The following DGKZ variants were observed in gnomAD, a reference collection of about 807,000 sequenced individuals.
DGKZ encodes the protein DAG kinase zeta.
DGKZ carries 45 observed loss-of-function variants against 142.5 expected under a neutral mutation model. The ratio of observed to expected loss-of-function variants is 0.32; its 90% CI spans 0.25 to 0.40. The LOEUF (loss-of-function observed/expected upper bound fraction) is 0.40. DGKZ is among the 10% of genes least tolerant of loss of function. DGKZ has a pLI of 1.00. For missense variants in DGKZ, 755 were observed against 1,306.5 expected (o/e 0.58, Z 6.51); for synonymous variants, 442 against 527.0 (o/e 0.84, Z 2.21).
chr11:46,367,854 G>T lies in DGKZ; in HGVS notation c.366+107G>T, dbSNP rs554338831. The T allele has an allele frequency of 2.0e-6, 3 of 1,527,920 alleles. No individual in the cohort carries two copies. Among genetic ancestry groups the T allele is most frequent in the South Asian group, 1.1e-5 (1 of 88,720 alleles). 94.6% of individuals were successfully genotyped at this position (1,527,920 alleles called of 1,614,324 possible). ...CTCCCTGGCACCCCTGCTGTGGGCC[G>T]CCCCAGGATGGTGAGGGGTGCAGGG... is the stretch of plus-strand genomic sequence containing the variant. On this transcript the variant is annotated intron_variant, in intron 3 of 30. Transcript: ENST00000527911. The surrounding 1 kb of genome is among the most constrained non-coding windows in gnomAD (Gnocchi z 4.1).
chr11:46,337,139 A>C (rs1317053928), intron 1 of DGKZ, among the ~76,000 whole-genome samples: 1 of 152,140 alleles, frequency 6.6e-6, no homozygotes, highest in Non-Finnish European at 1.5e-5. Flanking sequence ...ATGGGAGAGC[A>C]GGCTCCAGCT....
chr11:46,379,329 C>T, intron 29 of DGKZ, 93 bp downstream of exon 29: 4 of 1,587,676 alleles, frequency 2.5e-6, no homozygotes, highest in African/African-American at 2.7e-5. Context: ...CCATAAACTT[C>T]CTGGTCACAT....
Position 46,378,870 on chromosome 11 carries a change from GAT to G in DGKZ, c.2419-120_2419-119del. 2.1e-6 allele frequency: 3 copies of G among 1,424,058 alleles called. No homozygotes were observed. In the South Asian group the frequency reaches 4.2e-5, roughly 20 times the overall value. The allele number at this position is 1,424,058 out of a possible 1,614,324, so 88.2% of individuals were successfully genotyped here. ...ACCCACAGAGGCAACTCAGGAGTAAGATGTGTGAGCGCACTCGTTTCAGGCCT... is the reference window on the plus strand; with the variant it reads ...ACCCACAGAGGCAACTCAGGAGTAAGGTGTGAGCGCACTCGTTTCAGGCCT... On this transcript the variant is annotated intron_variant, in intron 27 of 30. Transcript: ENST00000527911.
At chr11:46,346,392 G>A (rs762138553), upstream of DGKZ, among the ~76,000 whole-genome samples, 2 of 109,246 alleles carry the variant, frequency 1.8e-5, no homozygotes, top group Non-Finnish European at 4.3e-5. Flanking sequence ...GCCTCCCTTC[G>A]TCAGCCCTGC....
Position 46,378,515 on chromosome 11 carries a change from C to T in DGKZ, c.2418+15C>T, listed in dbSNP as rs981696537. On this transcript the variant is annotated intron_variant, in intron 27 of 30. Coordinates refer to ENST00000527911, the Ensembl canonical transcript of DGKZ. ...ACTTCTGTAAGGTACTAGCTCCAGG[C>T]TCCAGTTCCTTCCCCCAGCAGCTCC... 8 of 1,613,060 alleles carry T rather than the reference C, an allele frequency of 5.0e-6. No homozygotes were observed. Among genetic ancestry groups the T allele is most frequent in the Non-Finnish European group, 5.9e-6 (7 of 1,179,898 alleles).
chr11:46,366,925 G>A, intron 1 of DGKZ: 2 of 1,543,306 alleles, frequency 1.3e-6, no homozygotes, highest in Non-Finnish European at 1.7e-6. Context: ...TGTCCCGCAG[G>A]CGCCAGGTAG....
At position 46,372,442 on chromosome 11, in the gene DGKZ, C is replaced by T. The variant is rs769624728; in HGVS notation, c.942C>T (p.Ile314=). The T allele has an allele frequency of 4.2e-5, 67 of 1,613,888 alleles. No individual in the cohort carries two copies. The highest frequency in any genetic ancestry group is 5.4e-5 in the Non-Finnish European group (64 of 1,179,990). Residue 314 remains isoleucine, a synonymous_variant, in exon 11 of 31, where the codon ATC becomes ATT. Transcript: ENST00000527911. This position sits in a 1 kb window ranked among gnomAD's most constrained non-coding sequence, Gnocchi z 5.9. The stretch of plus-strand genomic sequence containing the variant: ...ATCCCATCCAGGGTGCAAAGATCAT[C>T]CAGTCTTTCCTCTGGTATCTCAATC...
Position 46,367,650 on chromosome 11 carries a change from A to G in DGKZ, c.271-2A>G, listed in dbSNP as rs764899764. ...TGCTGAGCAAGCCCATCCCGTGGCT[A>G]GGAGTCAGCGACATATGGGGAGCAC... On this transcript the variant is annotated splice_acceptor_variant, in intron 2 of 30. Transcript: ENST00000527911. LOFTEE classifies it high-confidence loss of function. The surrounding 1 kb of genome is among the most constrained non-coding windows in gnomAD (Gnocchi z 4.1). 1 of 1,596,778 alleles carries G rather than the reference A, an allele frequency of 6.3e-7. No homozygotes were observed. The highest frequency in any genetic ancestry group is 1.3e-5 in the African/African-American group (1 of 74,630).
chr11:46,333,357 C>A, exon 1 of DGKZ: 2 of 1,369,912 alleles, frequency 1.5e-6, no homozygotes, highest in Non-Finnish European at 9.3e-7. Context: ...GGTGGTGCGG[C>A]GGCGATGCCG....
rs1944070766 is a variant in DGKZ, at chr11:46,372,570, T to C, written c.1011-47T>C. The C allele has an allele frequency of 6.2e-7, 1 of 1,613,696 alleles. No individual in the cohort carries two copies. The highest frequency in any genetic ancestry group is 8.5e-7 in the Non-Finnish European group (1 of 1,179,908). ...GGGGGAACTTGCCTCACTCCTGGGG[T>C]ACAGCACACATCCCCTGACCCCACT... On this transcript the variant is annotated intron_variant, in intron 11 of 30. Transcript: ENST00000527911. The surrounding 1 kb of genome is among the most constrained non-coding windows in gnomAD (Gnocchi z 5.9).
chr11:46,376,241 T>G, intron 22 of DGKZ, 87 bp from the exon 23 acceptor site: 2 of 1,604,574 alleles, frequency 1.2e-6, no homozygotes, highest in Non-Finnish European at 1.7e-6. Flanking sequence ...CTGCGGAGCC[T>G]CCTCTGTGCT....
chr11:46,373,580 C>T (rs1944227653), intron 14 of DGKZ, among the ~76,000 whole-genome samples: 1 of 151,740 alleles, frequency 6.6e-6, no homozygotes, highest in Non-Finnish European at 1.5e-5. Flanking sequence ...TCACTGCAAC[C>T]TCTGCCTCCC....
intron 1 of DGKZ, among the ~76,000 whole-genome samples, chr11:46,356,796 C>T (rs1043014392): frequency 2.6e-5 from 4 of 152,168 alleles, no homozygotes; most frequent in Admixed American, 2.0e-4. Context: ...CTCTCAGTTT[C>T]CTCATCTGCA....
chr11:46,374,931 C>T lies in DGKZ; in HGVS notation c.1599-3C>T, dbSNP rs747142627. ...AGGCCCATGTCATCGCCCGCCTTTG[C>T]AGGTACTGTGCGGGCACCATGCCCT... On this transcript the variant is annotated splice_polypyrimidine_tract_variant and splice_region_variant and intron_variant, in intron 18 of 30. Coordinates refer to ENST00000527911, the Ensembl canonical transcript of DGKZ. 2 of 1,598,666 alleles carry T rather than the reference C, an allele frequency of 1.3e-6. No individual in the cohort carries two copies. The highest frequency in any genetic ancestry group is 1.7e-5 in the Admixed American group (1 of 57,952).
At chr11:46,336,152 G>GCT (rs750696461) in intron 1 of DGKZ, among the ~76,000 whole-genome samples, 33 of 152,366 alleles carry the variant, frequency 2.2e-4, no homozygotes, top group Non-Finnish European at 4.0e-4. Context: ...ACGTAAGTGA[G>GCT]GACGGGGGCT....
chr11:46,345,041 C>T (rs373035064), upstream of DGKZ, among the ~76,000 whole-genome samples: 3 of 152,182 alleles, frequency 2.0e-5, no homozygotes, highest in Non-Finnish European at 2.9e-5. This position sits in a 1 kb window ranked among gnomAD's most constrained non-coding sequence, Gnocchi z 4.1. Context: ...GAAGAGAGCG[C>T]TCTTTGAGGG....
intron 1 of DGKZ, among the ~76,000 whole-genome samples, chr11:46,357,056 C>T (rs944472275): frequency 1.3e-5 from 2 of 152,150 alleles, no homozygotes. Flanking sequence ...AGGATGAATT[C>T]TGATGGCAGC....
Position 46,367,462 on chromosome 11 carries a change from G to A in DGKZ, c.270+63G>A, listed in dbSNP as rs1024824543. 8 of 1,550,228 alleles carry A rather than the reference G, an allele frequency of 5.2e-6. No individual in the cohort carries two copies. The East Asian group carries it at 6.9e-5, about 13-fold the overall frequency. ...GGCTCTTGGCCAAGGCGCAGCTGGCGGGTGGAGGCACTAAAGGCAGCTGGG... is the reference window on the plus strand; with the variant it reads ...GGCTCTTGGCCAAGGCGCAGCTGGCAGGTGGAGGCACTAAAGGCAGCTGGG... On this transcript the variant is annotated intron_variant, in intron 2 of 30. Coordinates refer to ENST00000527911, the Ensembl canonical transcript of DGKZ. The surrounding 1 kb of genome is among the most constrained non-coding windows in gnomAD (Gnocchi z 4.1).
intron 1 of DGKZ, among the ~76,000 whole-genome samples, chr11:46,336,290 G>T (rs1940011114): frequency 6.6e-6 from 1 of 152,206 alleles, no homozygotes; most frequent in African/African-American, 2.4e-5. Flanking sequence ...GAGATGGCGG[G>T]TGTGTGCCAG....
Sources: gnomAD v4.1 joint callset for allele counts (sites outside exome capture counted in the v4.1 genomes callset) on GRCh38, gnomAD v4.1.1 for gene constraint, Gnocchi (gnomAD v3.1) non-coding constraint, MANE v1.5 for transcripts, NCBI Gene and HGNC (gene_info 2026-07-23, HGNC 2026-07-21) for gene names.